FRY: variants seen among roughly 807,000 people sequenced by gnomAD.
FRY encodes the protein FRY microtubule binding protein.
FRY carries 128 observed loss-of-function variants against 348.4 expected under a neutral mutation model. That is an observed-to-expected ratio of 0.37 (90% CI 0.32 to 0.43). The LOEUF is 0.43. Among genes scored for constraint, FRY ranks in the 20% least tolerant of loss-of-function variants. FRY has a pLI of 1.00. For synonymous variants in FRY, 1,370 were observed against 1,374.7 expected (o/e 1.00, Z 0.08); for missense variants, 2,736 against 3,695.2 (o/e 0.74, Z 6.73).
intron 1 of FRY, among the ~76,000 whole-genome samples, chr13:32,038,977 A>G (rs1268581559): frequency 6.6e-6 from 1 of 152,150 alleles, no homozygotes; most frequent in African/African-American, 2.4e-5. Context: ...TGTTCGATTC[A>G]GAATTCAGTT....
intron 26 of FRY, among the ~76,000 whole-genome samples, chr13:32,185,375 T>G (rs962061979): frequency 3.3e-5 from 5 of 152,206 alleles, no homozygotes; most frequent in Non-Finnish European, 5.9e-5. Flanking sequence ...TGTGTGTCAT[T>G]TCTATTCTTT....
chr13:32,241,673 C>G (rs1886510803), intron 46 of FRY, among the ~76,000 whole-genome samples: 2 of 152,018 alleles, frequency 1.3e-5, no homozygotes, highest in Admixed American at 1.3e-4. Context: ...TCTGTAACAA[C>G]CAAAAAGTGT....
At chr13:32,074,371 TATAAAG>T (rs1874877044) in intron 1 of FRY, among the ~76,000 whole-genome samples, 1 of 151,954 alleles carries the variant, frequency 6.6e-6, no homozygotes, top group Non-Finnish European at 1.5e-5. Flanking sequence ...AATGAGAAAA[TATAAAG>T]AGAAGACAAA....
At chr13:32,052,462 T>A (rs572603689) in intron 1 of FRY, among the ~76,000 whole-genome samples, 1 of 152,338 alleles carries the variant, frequency 6.6e-6, no homozygotes, top group Non-Finnish European at 1.5e-5. Flanking sequence ...CTAAGTTTTG[T>A]AATAGCGACA....
At chr13:32,168,844 A>G (rs1881897182) in intron 17 of FRY, among the ~76,000 whole-genome samples, 1 of 152,216 alleles carries the variant, frequency 6.6e-6, no homozygotes, top group Non-Finnish European at 1.5e-5. Context: ...AAATAAGACA[A>G]GAGTTTGCTT....
intron 1 of FRY, among the ~76,000 whole-genome samples, chr13:32,063,331 A>G (rs1874056788): frequency 6.6e-6 from 1 of 152,172 alleles, no homozygotes; most frequent in East Asian, 1.9e-4. Context: ...TTTGACTTAA[A>G]TATGATTCTA....
intron 1 of FRY, among the ~76,000 whole-genome samples, chr13:32,044,856 T>C (rs1872936906): frequency 6.6e-6 from 1 of 152,192 alleles, no homozygotes; most frequent in African/African-American, 2.4e-5. Flanking sequence ...AGAACAATCA[T>C]CTGAGATGAT....
intron 3 of FRY, among the ~76,000 whole-genome samples, chr13:32,116,791 CA>C (rs1247608153): frequency 1.3e-5 from 2 of 152,122 alleles, no homozygotes; most frequent in East Asian, 1.9e-4. Context: ...TTTAATGTAA[CA>C]GGGGGTAAAT....
At chr13:32,089,060 T>C (rs1275753531) in intron 2 of FRY, among the ~76,000 whole-genome samples, 1 of 152,206 alleles carries the variant, frequency 6.6e-6, no homozygotes, top group Non-Finnish European at 1.5e-5. Context: ...TTCCTTAAGG[T>C]CACTGTGATG....
chr13:32,122,714 G>C (rs1368687595), intron 4 of FRY, among the ~76,000 whole-genome samples: 1 of 152,068 alleles, frequency 6.6e-6, no homozygotes, highest in African/African-American at 2.4e-5. Flanking sequence ...AAGAAATAAA[G>C]GGCATCCATA....
chr13:32,045,874 T>C (rs1473028499), intron 1 of FRY, among the ~76,000 whole-genome samples: 1 of 152,178 alleles, frequency 6.6e-6, no homozygotes, highest in Non-Finnish European at 1.5e-5. Flanking sequence ...CAAGGCATAA[T>C]GTAGAAATTG....
chr13:32,297,452 G>A lies in FRY; in HGVS notation c.*1992G>A, dbSNP rs1276324680. 4 of 151,690 alleles carry A rather than the reference G, an allele frequency of 2.6e-5. No individual in the cohort carries two copies. 9.4% of individuals were successfully genotyped at this position (151,690 alleles called of 1,614,324 possible). On this transcript the variant is annotated 3_prime_UTR_variant, in exon 61 of 61. Transcript: ENST00000542859. ...CGTCATGAACTGAGTTTTCTACCAT[G>A]GCTTCTTACCCAGCAGAGAACCACC... is the stretch of plus-strand genomic sequence containing the variant.
At position 32,267,535 on chromosome 13, in the gene FRY, A is replaced by G. The variant is rs1887983024; in HGVS notation, c.8136+176A>G. Among the ~76,000 whole-genome samples, 3 of 152,034 alleles carry G rather than the reference A, an allele frequency of 2.0e-5. No homozygotes were observed. The South Asian group carries it at 6.2e-4, about 32-fold the overall frequency. ...TCTTCTATTTACCCTTAATCTTGTC[A>G]TCCTTCTAAACATGGTATTGATGAT... is the stretch of plus-strand genomic sequence containing the variant. On this transcript the variant is annotated intron_variant, in intron 55 of 60. Transcript: ENST00000542859.
chr13:32,072,209 C>T (rs1293263959), intron 1 of FRY, among the ~76,000 whole-genome samples: 2 of 152,070 alleles, frequency 1.3e-5, no homozygotes, highest in Admixed American at 6.5e-5. Context: ...TGTATATAAT[C>T]CATAAAAATG....
At chr13:32,144,933 C>T (rs1053129206) in intron 11 of FRY, among the ~76,000 whole-genome samples, 1 of 152,056 alleles carries the variant, frequency 6.6e-6, no homozygotes, top group East Asian at 1.9e-4. Context: ...TTAGTTTTAA[C>T]GGGCTGGAAT....
chr13:32,150,700 A>G (rs777343854), intron 14 of FRY, among the ~76,000 whole-genome samples: 1 of 152,224 alleles, frequency 6.6e-6, no homozygotes, highest in Non-Finnish European at 1.5e-5. Flanking sequence ...CATAAAAATC[A>G]AATACATAGA....
intron 29 of FRY, among the ~76,000 whole-genome samples, chr13:32,199,157 A>T (rs1254348386): frequency 2.0e-5 from 3 of 152,210 alleles, no homozygotes; most frequent in Admixed American, 2.0e-4. Flanking sequence ...AACCTCAGTC[A>T]TTCCCACTGG....
chr13:32,035,771 C>T (rs193248987), intron 1 of FRY, among the ~76,000 whole-genome samples: 1 of 152,344 alleles, frequency 6.6e-6, no homozygotes, highest in East Asian at 1.9e-4. Flanking sequence ...AACTCTTTCG[C>T]ATATTTAGAA....
chr13:32,066,762 C>T (rs1319222280), intron 1 of FRY, among the ~76,000 whole-genome samples: 2 of 152,162 alleles, frequency 1.3e-5, no homozygotes, highest in African/African-American at 2.4e-5. Context: ...TCCAGAAACC[C>T]ACTGGCTCCC....
Sources: allele counts gnomAD v4.1 joint callset (sites outside exome capture counted in the v4.1 genomes callset), GRCh38; gene constraint gnomAD v4.1.1; transcripts MANE v1.5; gene names NCBI Gene and HGNC (gene_info 2026-07-23, HGNC 2026-07-21).